The following MAD1L1 variants were observed in gnomAD, a reference collection of about 807,000 sequenced individuals.
MAD1L1 encodes mitotic spindle assembly checkpoint protein MAD1.
Under a neutral mutation model 96.9 loss-of-function variants are expected in MAD1L1, and 95 were observed. The observed-to-expected ratio is 0.98, with a 90% CI of 0.83 to 1.16. The LOEUF (loss-of-function observed/expected upper bound fraction) is 1.16. Ranked by LOEUF, MAD1L1 falls within the 50% of genes most tolerant of loss-of-function variation. The probability of loss-of-function intolerance (pLI) is 0.00; values close to 1 mark genes in which losing one functional copy is unlikely to be tolerated. For synonymous variants in MAD1L1, 473 were observed against 396.6 expected (o/e 1.19, Z -2.29); for missense variants, 1,007 against 954.4 (o/e 1.06, Z -0.73).
chr7:2,140,279 G>C (rs1445422183), intron 11 of MAD1L1, among the ~76,000 whole-genome samples: 3 of 152,208 alleles, frequency 2.0e-5, no homozygotes, highest in Non-Finnish European at 4.4e-5. Context: ...ACGTAAAACA[G>C]TGACTCCAGC....
At position 2,222,692 on chromosome 7, in the gene MAD1L1, G is replaced by C. The variant is rs376503792; in HGVS notation, c.354C>G (p.Ala118=). ...GCTCCTGCATCTTCTCCTCCGCCCC[G>C]GCCTCCCGCTCCTGAAGCTGCCGGA... The part of the protein sequence containing the change: ...TRIRQLQERE[A]GAEEKMQEQL... Residue 118 remains alanine (A), a synonymous_variant, in exon 5 of 19, where the codon GCC becomes GCG. Coordinates refer to ENST00000265854, the MANE Select transcript of MAD1L1 (RefSeq NM_001013836.2). 1.9e-6 allele frequency: 3 copies of C among 1,611,732 alleles called. No homozygotes were observed. Among genetic ancestry groups the C allele is most frequent in the Non-Finnish European group, 2.5e-6 (3 of 1,179,832 alleles).
intron 12 of MAD1L1, among the ~76,000 whole-genome samples, chr7:2,067,460 G>A (rs961163499): frequency 6.6e-5 from 10 of 151,658 alleles, no homozygotes; most frequent in Non-Finnish European, 1.0e-4. Flanking sequence ...ACCACAGCAC[G>A]TCATCACGCA....
chr7:1,949,289 C>A (rs779835183), intron 16 of MAD1L1, among the ~76,000 whole-genome samples: 1 of 152,220 alleles, frequency 6.6e-6, no homozygotes, highest in African/African-American at 2.4e-5. Flanking sequence ...AACGGACGTG[C>A]ACATGGTCTC....
chr7:2,085,090 G>A (rs919390749), intron 11 of MAD1L1, among the ~76,000 whole-genome samples: 4 of 152,142 alleles, frequency 2.6e-5, no homozygotes, highest in Admixed American at 6.5e-5. Context: ...AGAATTCAAC[G>A]CCGGTCTTGC....
At chr7:1,858,078 A>G (rs1232707715) in intron 18 of MAD1L1, among the ~76,000 whole-genome samples, 2 of 152,180 alleles carry the variant, frequency 1.3e-5, no homozygotes, top group Non-Finnish European at 2.9e-5. Flanking sequence ...TTTCCATGTG[A>G]CTGCTTTTTT....
intron 18 of MAD1L1, chr7:1,845,235 G>A (rs1312802769): frequency 6.6e-6 from 1 of 152,280 alleles, no homozygotes; most frequent in African/African-American, 2.4e-5. Context: ...GCTTTCCTGA[G>A]GCTGACGCAG....
intron 11 of MAD1L1, among the ~76,000 whole-genome samples, chr7:2,073,847 A>G (rs971355484): frequency 6.6e-6 from 1 of 152,148 alleles, no homozygotes; most frequent in African/African-American, 2.4e-5. Context: ...AGCAACACAC[A>G]TTCCCGGCTG....
intron 16 of MAD1L1, among the ~76,000 whole-genome samples, chr7:1,952,026 C>G (rs566934701): frequency 1.3e-5 from 2 of 152,304 alleles, no homozygotes; most frequent in East Asian, 3.9e-4. Context: ...GGCCAAGCCC[C>G]CATCGGTGAC....
intron 17 of MAD1L1, among the ~76,000 whole-genome samples, chr7:1,917,920 G>A (rs1788515393): frequency 6.6e-6 from 1 of 152,158 alleles, no homozygotes; most frequent in South Asian, 2.1e-4. Flanking sequence ...GGGACGGAGG[G>A]CGGCCCTGAC....
At chr7:2,191,503 G>A (rs966081314) in intron 10 of MAD1L1, among the ~76,000 whole-genome samples, 2 of 152,194 alleles carry the variant, frequency 1.3e-5, no homozygotes, top group South Asian at 4.1e-4. Context: ...GGCTGAGGCA[G>A]GCGGATCACT....
chr7:1,859,142 C>A (rs1784398840), intron 18 of MAD1L1, among the ~76,000 whole-genome samples: 1 of 151,780 alleles, frequency 6.6e-6, no homozygotes, highest in South Asian at 2.1e-4. Context: ...GCAGGAGGGC[C>A]AGATGCCTGA....
chr7:1,890,535 G>C (rs1249911672), intron 18 of MAD1L1, among the ~76,000 whole-genome samples: 2 of 152,218 alleles, frequency 1.3e-5, no homozygotes, highest in Non-Finnish European at 2.9e-5. Context: ...CACCAGAATT[G>C]TGAGCCAAAT....
intron 11 of MAD1L1, among the ~76,000 whole-genome samples, chr7:2,141,483 G>A (rs2128574877): frequency 6.6e-6 from 1 of 152,322 alleles, no homozygotes; most frequent in East Asian, 1.9e-4. Flanking sequence ...GCATTGGCAG[G>A]ATGGGCACCG....
At chr7:2,179,237 A>C (rs866550502) in intron 10 of MAD1L1, among the ~76,000 whole-genome samples, 4 of 152,116 alleles carry the variant, frequency 2.6e-5, no homozygotes, top group Non-Finnish European at 5.9e-5. Context: ...TGGCCTTGAA[A>C]AATCAGTCTA....
intron 15 of MAD1L1, among the ~76,000 whole-genome samples, chr7:1,958,156 TCTA>T (rs1414417587): frequency 1.3e-5 from 2 of 152,104 alleles, no homozygotes; most frequent in African/African-American, 2.4e-5. Flanking sequence ...GGAAAGGACT[TCTA>T]CTGCGGGGTG....
At position 1,856,040 on chromosome 7, in the gene MAD1L1, C is replaced by G. The variant is rs1784234864; in HGVS notation, c.1999-39812G>C. ...TCACGTGGGGTGCGGTGAGGGAGCT[C>G]TCGGCTTCTTCATAAAGTGCTAATC... On this transcript the variant is annotated intron_variant, in intron 18 of 18. Coordinates refer to ENST00000265854, the MANE Select transcript of MAD1L1 (RefSeq NM_001013836.2). Among the ~76,000 whole-genome samples the G allele has an allele frequency of 3.3e-5, 5 of 152,296 alleles. No homozygotes were observed. The South Asian group carries it at 1.0e-3, about 32-fold the overall frequency.
At position 2,002,133 on chromosome 7, in the gene MAD1L1, G is replaced by C. The variant is rs1254191234; in HGVS notation, c.1360-12C>G. The C allele has an allele frequency of 4.3e-6, 7 of 1,612,504 alleles. No individual in the cohort carries two copies. Among genetic ancestry groups the C allele is most frequent in the Non-Finnish European group, 5.9e-6 (7 of 1,179,924 alleles). On this transcript the variant is annotated splice_polypyrimidine_tract_variant and intron_variant, in intron 13 of 18. Coordinates refer to ENST00000265854, the MANE Select transcript of MAD1L1 (RefSeq NM_001013836.2). ...TGCGACAGCTGAGCCTGCAAGACAA[G>C]ACAGGATTCGGCCTGAGACTGTGGT...
intron 10 of MAD1L1, among the ~76,000 whole-genome samples, chr7:2,167,319 G>A (rs545646567): frequency 1.1e-3 from 163 of 150,196 alleles, no homozygotes; most frequent in African/African-American, 3.5e-3. Context: ...AGGCTGAGGC[G>A]GGCGGATCAC....
chr7:1,827,727 CTG>C (rs1782496416), intron 18 of MAD1L1, among the ~76,000 whole-genome samples: 1 of 103,268 alleles, frequency 9.7e-6, no homozygotes, highest in African/African-American at 3.3e-5. Context: ...CTCCTGAGCC[CTG>C]CGTGGCTGTG....
Sources: gnomAD v4.1 joint callset for allele counts (sites outside exome capture counted in the v4.1 genomes callset) on GRCh38, gnomAD v4.1.1 for gene constraint, MANE v1.5 for transcripts, NCBI Gene and HGNC (gene_info 2026-07-23, HGNC 2026-07-21) for gene names.